Variants in CCDC7 observed in about 807,000 individuals in gnomAD.
CCDC7 encodes coiled-coil domain containing 7, also known as coiled-coil domain-containing protein 7.
A neutral mutation model predicts 196.9 loss-of-function variants in CCDC7; 183 were observed. The ratio of observed to expected loss-of-function variants is 0.93; its 90% CI spans 0.82 to 1.05. The LOEUF (loss-of-function observed/expected upper bound fraction) is 1.05, where lower values mean the gene tolerates loss of function less well. Ranked by LOEUF, CCDC7 falls within the 50% of genes least tolerant of loss-of-function variation. The pLI is 0.00. For synonymous variants in CCDC7, 525 were observed against 484.6 expected, an observed-to-expected ratio of 1.08 and a Z score of -1.10; for missense variants, 1,540 against 1,482.2, an observed-to-expected ratio of 1.04 and a Z score of -0.64.
At chr10:32,517,804 G>GAAAAAC (rs2047266748) in intron 9 of CCDC7, 141 bp from the exon 11 acceptor site, 4 of 700,476 alleles carry the variant, frequency 5.7e-6, no homozygotes, top group Non-Finnish European at 8.7e-6. Context: ...AAAAGAAAAA[G>GAAAAAC]TGGGATGCAA....
chr10:32,452,034 T>C (rs2033205004), intron 1 of CCDC7, 113 bp downstream of exon 2: 9 of 1,377,482 alleles, frequency 6.5e-6, no homozygotes, highest in Non-Finnish European at 8.6e-6. Context: ...TGGCTAAGAT[T>C]TATTACAGTA....
chr10:32,845,792 CACAT>C (rs1036737050), intron 35 of CCDC7, 80 bp from the exon 37 acceptor site: 22 of 1,141,932 alleles, frequency 1.9e-5, no homozygotes, highest in African/African-American at 4.6e-5. Context: ...CACACACACA[CACAT>C]ACACACACAC....
intron 41 of CCDC7, among the ~76,000 whole-genome samples, chr10:32,862,577 G>A (rs78817507): frequency 5.7e-4 from 87 of 151,508 alleles, no homozygotes; most frequent in African/African-American, 2.0e-3. Flanking sequence ...AAAACCCACA[G>A]CTAACATCAT....
chr10:32,709,742 C>G (rs1387840906), intron 24 of CCDC7, among the ~76,000 whole-genome samples: 2 of 152,112 alleles, frequency 1.3e-5, no homozygotes, highest in Non-Finnish European at 2.9e-5. Context: ...CTGGGGACCC[C>G]AATCTAGATT....
chr10:32,796,669 C>T (rs1394235041), intron 29 of CCDC7, among the ~76,000 whole-genome samples: 1 of 152,122 alleles, frequency 6.6e-6, no homozygotes, highest in African/African-American at 2.4e-5. Context: ...TATTTCACTC[C>T]ATCAGAGGAC....
At position 32,765,162 on chromosome 10, in the gene CCDC7, A is replaced by G. The variant is rs187510420; in HGVS notation, c.2906-13815A>G. Among the ~76,000 whole-genome samples the G allele has an allele frequency of 2.6e-5, 4 of 152,156 alleles. No homozygotes were observed. The East Asian group carries it at 7.7e-4, about 29-fold the overall frequency. On this transcript the variant is annotated intron_variant, in intron 28 of 41. Transcript: ENST00000639629. ...GGAAGGGTACCTTGAGGAAGGACCTAGTATACTGCCCAAAATTTATACCTT... is the reference window on the plus strand; with the variant it reads ...GGAAGGGTACCTTGAGGAAGGACCTGGTATACTGCCCAAAATTTATACCTT...
chr10:32,774,092 G>A (rs1463020218), intron 28 of CCDC7, among the ~76,000 whole-genome samples: 3 of 152,150 alleles, frequency 2.0e-5, no homozygotes, highest in Admixed American at 6.5e-5. Flanking sequence ...ACATGTTGAT[G>A]TTTCCAGATC....
chr10:32,848,629 T>C, exon 39 of CCDC7: 2 of 1,514,842 alleles, frequency 1.3e-6, no homozygotes, highest in Non-Finnish European at 1.8e-6. Flanking sequence ...GATATGTCCG[T>C]ACAACGTCAA....
At chr10:32,533,740 G>A (rs2050055355) in intron 11 of CCDC7, among the ~76,000 whole-genome samples, 1 of 151,966 alleles carries the variant, frequency 6.6e-6, no homozygotes, top group Admixed American at 6.6e-5. Context: ...CTCCTGGCCT[G>A]TATTATTTTC....
At chr10:32,603,223 G>A (rs948330422) in intron 18 of CCDC7, among the ~76,000 whole-genome samples, 3 of 151,212 alleles carry the variant, frequency 2.0e-5, no homozygotes. Context: ...TTCTATGCCT[G>A]GCTTATTTCA....
At chr10:32,526,605 G>C (rs529633656) in intron 11 of CCDC7, among the ~76,000 whole-genome samples, 2 of 152,146 alleles carry the variant, frequency 1.3e-5, no homozygotes, top group African/African-American at 4.8e-5. Context: ...CAGGGCCCAG[G>C]GCTCTTTATT....
intron 9 of CCDC7, among the ~76,000 whole-genome samples, chr10:32,515,007 G>C (rs2135446200): frequency 6.6e-6 from 1 of 152,124 alleles, no homozygotes; most frequent in South Asian, 2.1e-4. Context: ...AATTTTTTTT[G>C]TAGGGACAGG....
chr10:32,662,650 T>G (rs968839527), intron 20 of CCDC7, among the ~76,000 whole-genome samples: 2 of 151,960 alleles, frequency 1.3e-5, no homozygotes, highest in African/African-American at 4.8e-5. Context: ...GGTCCAGGAG[T>G]GAGTGCCCAG....
chr10:32,543,241 C>A, intron 11 of CCDC7, 59 bp from the exon 13 acceptor site: 1 of 1,257,070 alleles, frequency 8.0e-7, no homozygotes, highest in Middle Eastern at 2.4e-4. Flanking sequence ...ATTATCATAT[C>A]TTTCTATAAC....
chr10:32,487,156 C>G (rs995073748), intron 8 of CCDC7, among the ~76,000 whole-genome samples: 11 of 152,156 alleles, frequency 7.2e-5, no homozygotes, highest in African/African-American at 2.7e-4. Flanking sequence ...TTCACATAGT[C>G]CCATATTTCT....
chr10:32,741,740 GTTTGTTTCATCA>G lies in CCDC7; in HGVS notation c.2905+12284_2905+12295del, dbSNP rs1271571449. ...TTCCATTTCTCTTACAACTGGTAATGTTTGTTTCATCAATTATTGAAAGAATATGTTCAATTC... is the reference window on the plus strand; with the variant it reads ...TTCCATTTCTCTTACAACTGGTAATGATTATTGAAAGAATATGTTCAATTC... On this transcript the variant is annotated intron_variant, in intron 28 of 41. Transcript: ENST00000639629. Among the ~76,000 whole-genome samples the G allele has an allele frequency of 8.5e-5, 13 of 152,128 alleles. No individual in the cohort carries two copies. In the East Asian group the frequency reaches 2.1e-3, roughly 25 times the overall value.
At chr10:32,461,563 T>C (rs950113215) in intron 3 of CCDC7, among the ~76,000 whole-genome samples, 3 of 151,578 alleles carry the variant, frequency 2.0e-5, no homozygotes, top group African/African-American at 7.3e-5. Flanking sequence ...CTAGACCGTT[T>C]AGCAGGAACA....
chr10:32,453,327 T>TGA lies in CCDC7; in HGVS notation c.280-17_280-16insGA. On this transcript the variant is annotated splice_polypyrimidine_tract_variant and intron_variant, in intron 1 of 41. Transcript: ENST00000639629. The stretch of plus-strand genomic sequence containing the variant: ...AACTATTAAAGTATCTAATTGGCTT[T>TGA]TATTTTTTTTTTACAGGTTGTTTCC... The TGA allele has an allele frequency of 1.0e-5, 15 of 1,465,970 alleles. No individual in the cohort carries two copies. The highest frequency in any genetic ancestry group is 4.8e-5 in the South Asian group (3 of 62,868). 90.8% of individuals were successfully genotyped at this position (1,465,970 alleles called of 1,614,324 possible).
intron 38 of CCDC7, 64 bp from the exon 40 acceptor site, chr10:32,848,532 A>G: frequency 8.5e-7 from 1 of 1,172,562 alleles, no homozygotes; most frequent in East Asian, 2.4e-5. Flanking sequence ...ATACGTGGAG[A>G]TGGGATTAGT....
Sources: allele counts gnomAD v4.1 joint callset (sites outside exome capture counted in the v4.1 genomes callset), GRCh38; gene constraint gnomAD v4.1.1; transcripts MANE v1.5; gene names NCBI Gene and HGNC (gene_info 2026-07-23, HGNC 2026-07-21).